The following THSD7B variants were observed in gnomAD, a reference collection of about 807,000 sequenced individuals.
The protein encoded by THSD7B is thrombospondin type 1 domain containing 7B.
Under a neutral mutation model 213.6 loss-of-function variants are expected in THSD7B, and 138 were observed. The observed-to-expected ratio is 0.65, with a 90% confidence interval of 0.56 to 0.74. The LOEUF is 0.74. Among genes scored for constraint, THSD7B ranks in the 30% least tolerant of loss-of-function variants. THSD7B has a pLI of 0.00. For missense variants in THSD7B, 1,931 were observed against 1,991.5 expected (o/e 0.97, Z 0.58); for synonymous variants, 742 against 687.0 (o/e 1.08, Z -1.25).
At chr2:137,608,982 A>C (rs1256391547) in intron 17 of THSD7B, among the ~76,000 whole-genome samples, 3 of 152,240 alleles carry the variant, frequency 2.0e-5, no homozygotes, top group Non-Finnish European at 4.4e-5. Context: ...TAATGATAAG[A>C]GTGCACTGCA....
chr2:137,375,832 A>G (rs951089817), intron 12 of THSD7B, among the ~76,000 whole-genome samples: 15 of 152,220 alleles, frequency 9.9e-5, no homozygotes, highest in African/African-American at 3.1e-4. Context: ...AAATGAAAAT[A>G]AATGCCTTCT....
intron 16 of THSD7B, among the ~76,000 whole-genome samples, chr2:137,565,881 A>G (rs868455538): frequency 3.3e-5 from 5 of 152,154 alleles, no homozygotes; most frequent in Admixed American, 6.5e-5. Flanking sequence ...TCCAATCAAC[A>G]TACACATTTG....
At chr2:137,316,428 A>T (rs1335047864) in intron 12 of THSD7B, among the ~76,000 whole-genome samples, 1 of 152,220 alleles carries the variant, frequency 6.6e-6, no homozygotes, top group African/African-American at 2.4e-5. Context: ...AGATTTTGGA[A>T]AAAAGTGATA....
chr2:137,187,601 T>G (rs993880605), intron 7 of THSD7B, among the ~76,000 whole-genome samples: 5 of 152,158 alleles, frequency 3.3e-5, no homozygotes, highest in African/African-American at 1.2e-4. Context: ...AATACAAGAT[T>G]AGAAGTTGAT....
chr2:136,894,312 C>T (rs1369158554), intron 2 of THSD7B, among the ~76,000 whole-genome samples: 1 of 152,082 alleles, frequency 6.6e-6, no homozygotes, highest in African/African-American at 2.4e-5. Flanking sequence ...TTTATTTGTA[C>T]AACTTTATAA....
intron 14 of THSD7B, among the ~76,000 whole-genome samples, chr2:137,427,503 T>C (rs1687085577): frequency 6.6e-6 from 1 of 151,792 alleles, no homozygotes; most frequent in South Asian, 2.1e-4. Flanking sequence ...TGTAATGAAA[T>C]ATTATTCAGT....
chr2:137,059,906 G>T (rs1558903754), intron 3 of THSD7B, among the ~76,000 whole-genome samples: 1 of 152,170 alleles, frequency 6.6e-6, no homozygotes, highest in Non-Finnish European at 1.5e-5. Flanking sequence ...TGCAATTGCT[G>T]TATGGTATAG....
intron 2 of THSD7B, among the ~76,000 whole-genome samples, chr2:137,011,136 GC>G (rs1469928774): frequency 1.3e-5 from 2 of 152,012 alleles, no homozygotes; most frequent in Non-Finnish European, 2.9e-5. Context: ...TATATGACTT[GC>G]CAGAGCTGAA....
At chr2:137,455,448 G>A (rs1687744755) in intron 15 of THSD7B, among the ~76,000 whole-genome samples, 1 of 152,138 alleles carries the variant, frequency 6.6e-6, no homozygotes, top group Non-Finnish European at 1.5e-5. Flanking sequence ...CAATGTAAAT[G>A]GGAAGGTTGC....
chr2:136,825,718 A>ATTTTTTTTTT (rs55814718), intron 1 of THSD7B, among the ~76,000 whole-genome samples: 33 of 116,894 alleles, frequency 2.8e-4, no homozygotes, highest in African/African-American at 9.0e-4. Context: ...TGCCTGGCTA[A>ATTTTTTTTTT]TTTTTTTTTT....
intron 12 of THSD7B, among the ~76,000 whole-genome samples, chr2:137,284,350 G>T (rs1338779108): frequency 2.0e-5 from 3 of 152,116 alleles, no homozygotes; most frequent in African/African-American, 7.2e-5. Context: ...CAAAAATCCA[G>T]CTCCTGGATT....
At chr2:137,206,462 A>G (rs1680986107) in intron 7 of THSD7B, among the ~76,000 whole-genome samples, 1 of 152,094 alleles carries the variant, frequency 6.6e-6, no homozygotes. Context: ...CTGACTGCGT[A>G]TTAGTTACCT....
At chr2:137,438,169 A>G (rs1039200967) in intron 14 of THSD7B, among the ~76,000 whole-genome samples, 3 of 152,164 alleles carry the variant, frequency 2.0e-5, no homozygotes, top group Non-Finnish European at 4.4e-5. Context: ...AGAAAATTGA[A>G]GATTGGAGAG....
At position 137,618,457 on chromosome 2, in the gene THSD7B, A is replaced by G; in HGVS notation, c.3631A>G (p.Ser1211Gly). The G allele has an allele frequency of 6.2e-7, 1 of 1,613,918 alleles. No individual in the cohort carries two copies. Among genetic ancestry groups the G allele is most frequent in the Non-Finnish European group, 8.5e-7 (1 of 1,179,866 alleles). The change falls in exon 19 of 28, where the codon AGC (serine) becomes GGC (glycine). Residue 1211 changes from serine to glycine, a missense_variant. Ser to Gly is a moderately conservative substitution (Grantham distance 56). Transcript: ENST00000409968. ...CGQGVRTRLL[S>G]CVCSDGKPVS... Reference sequence around the variant, plus strand: ...TCAAGGCGTCAGGACCCGCCTGCTAAGCTGTGTGTGCAGTGATGGCAAGCC... The same window carrying G: ...TCAAGGCGTCAGGACCCGCCTGCTAGGCTGTGTGTGCAGTGATGGCAAGCC...
chr2:137,077,511 C>T (rs1194952895), intron 3 of THSD7B, among the ~76,000 whole-genome samples: 4 of 151,988 alleles, frequency 2.6e-5, no homozygotes, highest in Admixed American at 6.6e-5. Flanking sequence ...TTTTAATGAT[C>T]ACCATTCTAA....
intron 12 of THSD7B, among the ~76,000 whole-genome samples, chr2:137,283,233 T>G (rs547771133): frequency 3.4e-4 from 51 of 152,204 alleles, no homozygotes; most frequent in Non-Finnish European, 5.9e-4. Flanking sequence ...ATAAGAATGC[T>G]TGTGATTTTT....
intron 1 of THSD7B, among the ~76,000 whole-genome samples, chr2:136,769,132 G>T (rs1681461165): frequency 6.6e-6 from 1 of 152,128 alleles, no homozygotes; most frequent in Admixed American, 6.5e-5. Context: ...GGATGTTCAT[G>T]GGTGGTTATT....
chr2:137,418,321 G>A (rs528395283), intron 14 of THSD7B, among the ~76,000 whole-genome samples: 35 of 152,248 alleles, frequency 2.3e-4, no homozygotes, highest in African/African-American at 6.3e-4. Flanking sequence ...TTTCCAAAAG[G>A]CAAATCTGAT....
chr2:137,378,706 A>T (rs1311342421), intron 12 of THSD7B, among the ~76,000 whole-genome samples: 1 of 152,148 alleles, frequency 6.6e-6, no homozygotes, highest in African/African-American at 2.4e-5. Context: ...TGACTTGGCT[A>T]GGAAGTTAAT....
Sources: allele counts gnomAD v4.1 joint callset (sites outside exome capture counted in the v4.1 genomes callset), GRCh38; gene constraint gnomAD v4.1.1; transcripts MANE v1.5; gene names NCBI Gene and HGNC (gene_info 2026-07-23, HGNC 2026-07-21).